DPP10: variants seen among roughly 807,000 people sequenced by gnomAD.
DPP10 encodes the protein inactive dipeptidyl peptidase 10.
DPP10 carries 33 observed loss-of-function variants against 120.9 expected under a neutral mutation model. The observed-to-expected ratio is 0.27, with a 90% CI of 0.21 to 0.37. DPP10 has a LOEUF of 0.37. DPP10 is among the 10% of genes least tolerant of loss of function. The pLI is 1.00. For synonymous variants in DPP10, 337 were observed against 326.1 expected (o/e 1.03, Z -0.36); for missense variants, 816 against 942.8 (o/e 0.87, Z 1.76).
intron 3 of DPP10, among the ~76,000 whole-genome samples, chr2:115,436,263 GTGTT>G (rs1222453784): frequency 1.3e-5 from 2 of 151,754 alleles, no homozygotes. Flanking sequence ...TCTTACCTCT[GTGTT>G]TGTCATCTCA....
intron 2 of DPP10, chr2:115,342,244 G>A: frequency 2.3e-6 from 1 of 431,946 alleles, no homozygotes; most frequent in East Asian, 7.6e-5. Flanking sequence ...TGTCACCCAG[G>A]CTGGAGTATA....
chr2:115,798,891 T>C (rs981073180), intron 19 of DPP10, among the ~76,000 whole-genome samples: 3 of 151,952 alleles, frequency 2.0e-5, no homozygotes, highest in Admixed American at 6.6e-5. Context: ...TTAATCAAAA[T>C]TATAAACCTG....
At chr2:115,056,624 G>C (rs544111647) in intron 1 of DPP10, among the ~76,000 whole-genome samples, 5 of 152,216 alleles carry the variant, frequency 3.3e-5, no homozygotes, top group African/African-American at 1.2e-4. Context: ...CCCCAAAAGT[G>C]CTGGGATCAG....
chr2:114,442,949 A>T (rs1677739760), intron 1 of DPP10, 111 bp downstream of exon 1: 1 of 1,344,914 alleles, frequency 7.4e-7, no homozygotes, highest in Admixed American at 2.0e-5. Flanking sequence ...ACTTGATTTG[A>T]GTTTGAATTG....
intron 1 of DPP10, among the ~76,000 whole-genome samples, chr2:115,289,429 T>C (rs115032083): frequency 5.5e-4 from 77 of 140,580 alleles, no homozygotes; most frequent in Non-Finnish European, 9.8e-4. Flanking sequence ...CTTATCAAAA[T>C]GCCAATGCCA....
At chr2:114,620,020 A>T (rs1359605317) in intron 1 of DPP10, among the ~76,000 whole-genome samples, 1 of 152,116 alleles carries the variant, frequency 6.6e-6, no homozygotes, top group South Asian at 2.1e-4. Flanking sequence ...TTACTTAAAA[A>T]GGTCCTAAAA....
At chr2:115,643,350 C>A (rs921790349) in intron 5 of DPP10, among the ~76,000 whole-genome samples, 5 of 152,112 alleles carry the variant, frequency 3.3e-5, no homozygotes, top group Admixed American at 2.6e-4. Context: ...AGAATCAAGT[C>A]ATTGTATTTT....
intron 17 of DPP10, among the ~76,000 whole-genome samples, chr2:115,788,211 T>C (rs930697193): frequency 1.9e-4 from 29 of 152,128 alleles, no homozygotes; most frequent in African/African-American, 6.0e-4. Context: ...CTCTAACTTA[T>C]TATATAAAAA....
At chr2:115,664,068 G>A (rs1012182622) in intron 5 of DPP10, among the ~76,000 whole-genome samples, 5 of 151,646 alleles carry the variant, frequency 3.3e-5, no homozygotes, top group Admixed American at 6.6e-5. Flanking sequence ...TATCAGTGAT[G>A]ATATTAAAAT....
intron 3 of DPP10, among the ~76,000 whole-genome samples, chr2:115,394,032 T>C (rs566667067): frequency 1.2e-3 from 188 of 152,268 alleles, no homozygotes; most frequent in African/African-American, 4.4e-3. Flanking sequence ...TATGCAGAGA[T>C]TGAATTATGC....
intron 7 of DPP10, among the ~76,000 whole-genome samples, chr2:115,705,039 ATCTC>A (rs1428613351): frequency 2.0e-5 from 3 of 151,938 alleles, no homozygotes; most frequent in African/African-American, 7.2e-5. Flanking sequence ...AATTATCCAC[ATCTC>A]TCTATCACCT....
intron 9 of DPP10, 115 bp from the exon 10 acceptor site, chr2:115,745,971 A>T: frequency 1.4e-6 from 1 of 712,282 alleles, no homozygotes; most frequent in African/African-American, 1.9e-5. Context: ...CAGAGAAATT[A>T]AACTTTTTTT....
chr2:114,550,164 A>G (rs1687767992), intron 1 of DPP10, among the ~76,000 whole-genome samples: 1 of 152,114 alleles, frequency 6.6e-6, no homozygotes, highest in Non-Finnish European at 1.5e-5. Flanking sequence ...CAGCTTTCTA[A>G]AATGCAGGTC....
chr2:114,577,843 T>C (rs1329971921), intron 1 of DPP10, among the ~76,000 whole-genome samples: 5 of 152,170 alleles, frequency 3.3e-5, no homozygotes, highest in Non-Finnish European at 7.4e-5. Flanking sequence ...TTGCCTTTAT[T>C]ATCACGTGAC....
At chr2:115,177,784 G>A (rs1297981390) in intron 1 of DPP10, among the ~76,000 whole-genome samples, 1 of 86,652 alleles carries the variant, frequency 1.2e-5, no homozygotes, top group African/African-American at 4.8e-5. Flanking sequence ...GTTTGTTTGA[G>A]ACAGAGTCTT....
rs771187945 is a variant in DPP10, at chr2:114,954,140, G to A, written c.61-355099G>A. ...CTGTAGCCCAGGCTGGAGGGCAGTG[G>A]TGCTATCTCGGCTCACTGCAAGCTC... is the stretch of plus-strand genomic sequence containing the variant. On this transcript the variant is annotated intron_variant, in intron 1 of 25. Transcript: ENST00000410059. Among the ~76,000 whole-genome samples the A allele has an allele frequency of 6.1e-5, 9 of 147,850 alleles. 1 individual carries two copies. The East Asian group carries it at 1.8e-3, about 30-fold the overall frequency.
intron 3 of DPP10, among the ~76,000 whole-genome samples, chr2:115,358,282 C>G (rs929499312): frequency 6.6e-6 from 1 of 152,146 alleles, no homozygotes; most frequent in Non-Finnish European, 1.5e-5. Flanking sequence ...TTGTCTCACT[C>G]AGATTCAAAG....
At chr2:114,528,032 G>A (rs185458638) in intron 1 of DPP10, among the ~76,000 whole-genome samples, 1 of 152,274 alleles carries the variant, frequency 6.6e-6, no homozygotes, top group Admixed American at 6.5e-5. Context: ...TAAATGGAGA[G>A]TGGAGTGTCA....
At chr2:115,570,973 C>T (rs150361867) in intron 5 of DPP10, among the ~76,000 whole-genome samples, 2 of 152,232 alleles carry the variant, frequency 1.3e-5, no homozygotes, top group Admixed American at 6.5e-5. Flanking sequence ...AGAGGGGAGT[C>T]GGTGGGCATT....
Sources: allele counts gnomAD v4.1 joint callset (sites outside exome capture counted in the v4.1 genomes callset), GRCh38; gene constraint gnomAD v4.1.1; transcripts MANE v1.5; gene names NCBI Gene and HGNC (gene_info 2026-07-23, HGNC 2026-07-21).